Variants in CCSER1 observed in about 807,000 individuals in gnomAD.
CCSER1 encodes the protein serine-rich coiled-coil domain-containing protein 1.
A neutral mutation model predicts 82.0 loss-of-function variants in CCSER1; 41 were observed. That is an observed-to-expected ratio of 0.50 (90% CI 0.39 to 0.65). The LOEUF is 0.65. CCSER1 is among the 30% of genes least tolerant of loss of function. The pLI is 0.00. For missense variants in CCSER1, 1,119 were observed against 1,064.2 expected (o/e 1.05, Z -0.72); for synonymous variants, 414 against 383.9 (o/e 1.08, Z -0.92).
chr4:91,359,594 TAAC>T (rs907211432), intron 10 of CCSER1, among the ~76,000 whole-genome samples: 37 of 151,794 alleles, frequency 2.4e-4, no homozygotes, highest in African/African-American at 7.7e-4. Context: ...TAACAGAAGA[TAAC>T]AACAATATCT....
intron 10 of CCSER1, among the ~76,000 whole-genome samples, chr4:91,381,762 C>A (rs1024090675): frequency 4.6e-5 from 7 of 152,206 alleles, no homozygotes. Flanking sequence ...CATTCTCTGT[C>A]CAGCTTTGCT....
intron 5 of CCSER1, among the ~76,000 whole-genome samples, chr4:90,506,985 T>G (rs1451078563): frequency 6.6e-6 from 1 of 152,164 alleles, no homozygotes; most frequent in Non-Finnish European, 1.5e-5. Flanking sequence ...TTCAGTTCTC[T>G]TGTCTCAAAT....
At chr4:90,988,179 A>C (rs1037957558) in intron 9 of CCSER1, among the ~76,000 whole-genome samples, 1 of 151,244 alleles carries the variant, frequency 6.6e-6, no homozygotes, top group East Asian at 2.0e-4. Context: ...AAATTAAAAA[A>C]TTAAAAATTA....
At chr4:90,212,735 G>A (rs1382814737) in intron 1 of CCSER1, among the ~76,000 whole-genome samples, 1 of 151,988 alleles carries the variant, frequency 6.6e-6, no homozygotes, top group Admixed American at 6.6e-5. Context: ...GTAAGATGAG[G>A]AGAAATAGGA....
chr4:90,364,421 G>C (rs184303258), intron 3 of CCSER1, among the ~76,000 whole-genome samples: 68 of 152,102 alleles, frequency 4.5e-4, no homozygotes, highest in Admixed American at 9.8e-4. Flanking sequence ...CACTAAAATT[G>C]ATGGTGTTCT....
intron 1 of CCSER1, among the ~76,000 whole-genome samples, chr4:90,307,674 A>T (rs1734558971): frequency 6.6e-6 from 1 of 152,050 alleles, no homozygotes; most frequent in African/African-American, 2.4e-5. Context: ...AGAAGAAAAA[A>T]AGTCTATAGC....
intron 10 of CCSER1, among the ~76,000 whole-genome samples, chr4:91,474,812 T>TATAC (rs1560700770): frequency 1.5e-5 from 1 of 66,122 alleles, no homozygotes; most frequent in Admixed American, 1.9e-4. Context: ...TATATATATA[T>TATAC]ACACACACAC....
At chr4:90,220,231 G>A (rs967442441) in intron 1 of CCSER1, among the ~76,000 whole-genome samples, 3 of 152,212 alleles carry the variant, frequency 2.0e-5, no homozygotes, top group African/African-American at 7.2e-5. Flanking sequence ...GTATAGATAG[G>A]ACTTGGTACT....
chr4:91,450,582 T>G (rs111854846), intron 10 of CCSER1, among the ~76,000 whole-genome samples: 314 of 151,882 alleles, frequency 2.1e-3, no homozygotes, highest in African/African-American at 7.0e-3. Context: ...GTCTGCAGAG[T>G]TTCCAGGCTG....
At chr4:90,517,308 CA>C (rs1772424110) in intron 5 of CCSER1, among the ~76,000 whole-genome samples, 2 of 151,996 alleles carry the variant, frequency 1.3e-5, no homozygotes, top group Admixed American at 1.3e-4. Flanking sequence ...AATCTTAAGT[CA>C]AACCATCGTA....
chr4:91,378,793 T>C (rs941220359), intron 10 of CCSER1, among the ~76,000 whole-genome samples: 1 of 152,154 alleles, frequency 6.6e-6, no homozygotes, highest in African/African-American at 2.4e-5. Flanking sequence ...CTATGTTGAA[T>C]AGGAGTGGTA....
At chr4:90,886,411 T>A (rs1722127844) in intron 8 of CCSER1, among the ~76,000 whole-genome samples, 1 of 152,166 alleles carries the variant, frequency 6.6e-6, no homozygotes, top group East Asian at 1.9e-4. Context: ...CTAAGTGAGC[T>A]ACCTCCCCCA....
chr4:91,266,204 C>T (rs13125757), intron 10 of CCSER1, among the ~76,000 whole-genome samples: 33,498 of 151,784 alleles, frequency 0.22, 4,258 homozygotes, highest in East Asian at 0.34. Flanking sequence ...GAATTTTAAG[C>T]CCTAAGACCA....
intron 10 of CCSER1, among the ~76,000 whole-genome samples, chr4:91,575,221 A>G (rs1578831537): frequency 2.6e-5 from 4 of 152,074 alleles, no homozygotes; most frequent in African/African-American, 9.6e-5. Flanking sequence ...TCAATTTAAA[A>G]TGGATTAAAG....
At chr4:90,756,077 C>T (rs896606198) in intron 7 of CCSER1, among the ~76,000 whole-genome samples, 9 of 151,790 alleles carry the variant, frequency 5.9e-5, no homozygotes, top group East Asian at 3.9e-4. Flanking sequence ...AAATATAAAA[C>T]GCTAGCCAGG....
chr4:90,436,607 CAG>C (rs1452047384), intron 4 of CCSER1, among the ~76,000 whole-genome samples: 3 of 152,054 alleles, frequency 2.0e-5, no homozygotes, highest in Admixed American at 6.6e-5. Flanking sequence ...CAGTTAAACT[CAG>C]ATATGTTTAT....
chr4:91,521,548 C>G (rs1361502322), intron 10 of CCSER1, among the ~76,000 whole-genome samples: 1 of 152,154 alleles, frequency 6.6e-6, no homozygotes, highest in African/African-American at 2.4e-5. Flanking sequence ...TCTGTTGTTT[C>G]CTGACTTTTT....
chr4:90,823,061 A>G (rs1462318680), intron 8 of CCSER1, among the ~76,000 whole-genome samples: 1 of 152,176 alleles, frequency 6.6e-6, no homozygotes, highest in African/African-American at 2.4e-5. Context: ...ACATCTTTTT[A>G]AGCAGTAAGG....
chr4:91,439,450 C>A (rs930541611), intron 10 of CCSER1, among the ~76,000 whole-genome samples: 1 of 151,978 alleles, frequency 6.6e-6, no homozygotes, highest in African/African-American at 2.4e-5. Flanking sequence ...TTGTCACCAC[C>A]AGGCCTGCCC....
Sources: allele counts gnomAD v4.1 joint callset (sites outside exome capture counted in the v4.1 genomes callset), GRCh38; gene constraint gnomAD v4.1.1; transcripts MANE v1.5; gene names NCBI Gene and HGNC (gene_info 2026-07-23, HGNC 2026-07-21).